The following IL12RB2 variants were observed in gnomAD, a reference collection of about 807,000 sequenced individuals.
The protein encoded by IL12RB2 is interleukin 12 receptor subunit beta 2.
Under a neutral mutation model 89.4 loss-of-function variants are expected in IL12RB2, and 82 were observed. That is an observed-to-expected ratio of 0.92 (90% CI 0.77 to 1.10). The LOEUF is 1.10. IL12RB2 is among the 50% of genes least tolerant of loss of function. IL12RB2 has a pLI of 0.00. For missense variants in IL12RB2, 963 were observed against 1,031.9 expected, an observed-to-expected ratio of 0.93 and a Z score of 0.92; for synonymous variants, 368 against 370.1, an observed-to-expected ratio of 0.99 and a Z score of 0.07.
At chr1:67,341,828 A>G (rs370598253) in intron 9 of IL12RB2, among the ~76,000 whole-genome samples, 1 of 152,212 alleles carries the variant, frequency 6.6e-6, no homozygotes, top group East Asian at 1.9e-4. Flanking sequence ...GAATGGAAAC[A>G]CTGACCAGAG....
At chr1:67,348,203 C>T (rs1660444782) in intron 9 of IL12RB2, among the ~76,000 whole-genome samples, 1 of 152,162 alleles carries the variant, frequency 6.6e-6, no homozygotes, top group Non-Finnish European at 1.5e-5. Flanking sequence ...TCTCGGTCTC[C>T]ACCCTCCCCA....
chr1:67,312,886 A>G (rs1655269078), intron 1 of IL12RB2, among the ~76,000 whole-genome samples: 1 of 152,232 alleles, frequency 6.6e-6, no homozygotes, highest in South Asian at 2.1e-4. Flanking sequence ...AAAAAGGAAA[A>G]CAAGTGTGTG....
intron 8 of IL12RB2, among the ~76,000 whole-genome samples, chr1:67,336,388 C>T (rs773804162): frequency 2.8e-4 from 43 of 152,136 alleles, no homozygotes; most frequent in Non-Finnish European, 4.0e-4. Flanking sequence ...GGTTAGTGAA[C>T]GTCATATCCC....
chr1:67,350,044 C>T (rs1316910336), intron 9 of IL12RB2, among the ~76,000 whole-genome samples: 1 of 152,276 alleles, frequency 6.6e-6, no homozygotes. Flanking sequence ...AGCCGGAGGC[C>T]CCCCACCCAT....
rs775260148 is a variant in IL12RB2, at chr1:67,390,039, C to T, written c.1957C>T (p.Leu653Phe). The change falls in exon 16 of 17, where the codon CTC (leucine) becomes TTC (phenylalanine). Residue 653 changes from leucine (L) to phenylalanine (F), a missense_variant. Coordinates refer to ENST00000674203, the MANE Select transcript of IL12RB2 (RefSeq NM_001374259.2). ...TTTCTTTATCTATAGGGTGTTTGTT[C>T]TCCTAGCAGCCCTCAGACCTCAGTG... Reference protein sequence around the residue: ...THYFQQKVFVLLAALRPQWCS... With the variant: ...THYFQQKVFVFLAALRPQWCS... 4 of 1,248,346 alleles carry T rather than the reference C, an allele frequency of 3.2e-6. No homozygotes were observed. The highest frequency in any genetic ancestry group is 4.7e-6 in the Non-Finnish European group (4 of 845,960). The allele number at this position is 1,248,346 out of a possible 1,614,324, so 77.3% of individuals were successfully genotyped here.
At chr1:67,365,069 C>T (rs1291180959) in intron 10 of IL12RB2, among the ~76,000 whole-genome samples, 1 of 151,988 alleles carries the variant, frequency 6.6e-6, no homozygotes, top group African/African-American at 2.4e-5. Context: ...TGGTCAAAGT[C>T]TCAAGAGAAA....
intron 14 of IL12RB2, among the ~76,000 whole-genome samples, chr1:67,384,944 A>G (rs6703806): frequency 0.65 from 99,232 of 152,046 alleles, 32,956 homozygotes; most frequent in South Asian, 0.73. Flanking sequence ...ACATCTTCCT[A>G]TCTTCTCAGC....
intron 8 of IL12RB2, among the ~76,000 whole-genome samples, chr1:67,335,559 C>T (rs1462279649): frequency 6.6e-6 from 1 of 152,184 alleles, no homozygotes. Context: ...TTTCATCTGA[C>T]TTCCATTTCT....
At chr1:67,355,140 G>A (rs1428883476) in intron 10 of IL12RB2, among the ~76,000 whole-genome samples, 4 of 151,948 alleles carry the variant, frequency 2.6e-5, no homozygotes, top group East Asian at 1.9e-4. Context: ...AGGGCCAGGC[G>A]CCGTGGCTCA....
chr1:67,357,388 G>C (rs1661518938), intron 10 of IL12RB2, among the ~76,000 whole-genome samples: 1 of 151,590 alleles, frequency 6.6e-6, no homozygotes, highest in African/African-American at 2.4e-5. Flanking sequence ...AAAAAGAAAA[G>C]AAAAGAAAAG....
rs183856934 is a variant in IL12RB2, at chr1:67,352,882, T to G, written c.1258+1793T>G. Among the ~76,000 whole-genome samples, 612 of 152,312 alleles carry G rather than the reference T, an allele frequency of 4.0e-3. 2 individuals carry two copies. The highest frequency in any genetic ancestry group is 6.9e-3 in the Non-Finnish European group (468 of 68,028). ...CATGTTGGTGAGGGTGTGGGGAAGA[T>G]ACTCTTGTACACGCTAGTGAGTGTG... is the stretch of plus-strand genomic sequence containing the variant. On this transcript the variant is annotated intron_variant, in intron 10 of 16. Transcript: ENST00000674203.
intron 16 of IL12RB2, among the ~76,000 whole-genome samples, chr1:67,393,365 A>T (rs1204708484): frequency 6.6e-6 from 1 of 152,246 alleles, no homozygotes; most frequent in Admixed American, 6.5e-5. Context: ...GCCCCCGAGG[A>T]CTTGGCAGCC....
Position 67,390,121 on chromosome 1 carries a change from T to C in IL12RB2, c.2039T>C (p.Ile680Thr), listed in dbSNP as rs781242419. ...ANSTCAKKYP[I>T]AEEKTQLPLD... ...AGCACTTGCGCTAAGAAATATCCCA[T>C]TGCAGAGGTAAGGTACAATTCCTCT... Residue 680 changes from isoleucine (I) to threonine (T), a missense_variant, in exon 16 of 17, where the codon ATT becomes ACT. Physicochemically the swap from Ile to Thr is moderately conservative, Grantham distance 89 (BLOSUM62 -1). Transcript: ENST00000674203. 16 of 1,135,168 alleles carry C rather than the reference T, an allele frequency of 1.4e-5. No individual in the cohort carries two copies. In the East Asian group the frequency reaches 2.8e-4, roughly 20 times the overall value. 70.3% of individuals were successfully genotyped at this position (1,135,168 alleles called of 1,614,324 possible). A position where few individuals can be genotyped will look rare whatever the true frequency, so the allele number is the denominator to read the frequency against.
intron 2 of IL12RB2, among the ~76,000 whole-genome samples, chr1:67,314,664 C>A (rs753079683): frequency 6.6e-6 from 1 of 152,120 alleles, no homozygotes; most frequent in African/African-American, 2.4e-5. Flanking sequence ...TTATCACCTG[C>A]GAAAGGAAAC....
intron 14 of IL12RB2, among the ~76,000 whole-genome samples, chr1:67,384,539 G>GGGAAGA (rs1664939201): frequency 6.6e-6 from 1 of 152,196 alleles, no homozygotes; most frequent in South Asian, 2.1e-4. Flanking sequence ...CATTGTCTTG[G>GGGAAGA]TAATTAACAT....
chr1:67,347,394 A>C (rs1377733785), intron 9 of IL12RB2, among the ~76,000 whole-genome samples: 1 of 152,212 alleles, frequency 6.6e-6, no homozygotes. Context: ...AATCTTAAGA[A>C]GACATGATTT....
Position 67,383,360 on chromosome 1 carries a change from A to C in IL12RB2, c.1856-3219A>C, listed in dbSNP as rs190789340. Among the ~76,000 whole-genome samples, 5 of 152,310 alleles carry C rather than the reference A, an allele frequency of 3.3e-5. No individual in the cohort carries two copies. The East Asian group carries it at 9.6e-4, about 29-fold the overall frequency. On this transcript the variant is annotated intron_variant, in intron 14 of 16. Transcript: ENST00000674203. ...AATTCAAGATAAGATTTGGGTGAGG[A>C]CACAGCCAAACCATATCATCCCACT...
Position 67,380,176 on chromosome 1 carries a change from T to C in IL12RB2, c.1855+53T>C, listed in dbSNP as rs759861060. The C allele has an allele frequency of 6.4e-6, 10 of 1,562,580 alleles. No homozygotes were observed. In the East Asian group the frequency reaches 2.0e-4, roughly 31 times the overall value. On this transcript the variant is annotated intron_variant, in intron 14 of 16. Coordinates refer to ENST00000674203, the MANE Select transcript of IL12RB2 (RefSeq NM_001374259.2). ...TCCACCCTGGATTCTTGCACAGGCA[T>C]GCACTCCTATTACATTTGGTATAGA...
At chr1:67,391,553 G>T (rs2100304442) in intron 16 of IL12RB2, among the ~76,000 whole-genome samples, 2 of 147,918 alleles carry the variant, frequency 1.4e-5, no homozygotes, top group African/African-American at 4.9e-5. Context: ...TTATAATTTA[G>T]ATATATTATC....
Sources: gnomAD v4.1 joint callset for allele counts (sites outside exome capture counted in the v4.1 genomes callset) on GRCh38, gnomAD v4.1.1 for gene constraint, MANE v1.5 for transcripts, NCBI Gene and HGNC (gene_info 2026-07-23, HGNC 2026-07-21) for gene names.